VAT1L: variants seen among roughly 807,000 people sequenced by gnomAD.
VAT1L encodes the protein putative NADPH-dependent quinone oxidoreductase VAT1L.
In VAT1L, 34 loss-of-function variants were observed where a neutral mutation model predicts 44.1. The ratio of observed to expected loss-of-function variants is 0.77; its 90% confidence interval spans 0.59 to 1.03. The LOEUF (loss-of-function observed/expected upper bound fraction) is 1.03, where lower values mean the gene tolerates loss of function less well. Among genes scored for constraint, VAT1L ranks in the 50% least tolerant of loss-of-function variants. The pLI is 0.00. For synonymous variants in VAT1L, 253 were observed against 202.2 expected (o/e 1.25, Z -2.13); for missense variants, 615 against 538.8 (o/e 1.14, Z -1.40).
intron 7 of VAT1L, among the ~76,000 whole-genome samples, chr16:77,920,867 A>T (rs978703880): frequency 3.9e-5 from 6 of 152,132 alleles, no homozygotes; most frequent in Non-Finnish European, 1.5e-5. Context: ...TTCACACAAT[A>T]ACAAAACCCC....
At chr16:77,871,983 A>T (rs2017038165) in intron 4 of VAT1L, among the ~76,000 whole-genome samples, 1 of 152,108 alleles carries the variant, frequency 6.6e-6, no homozygotes, top group African/African-American at 2.4e-5. Context: ...AATCAATCAA[A>T]GCTACCATGG....
intron 7 of VAT1L, among the ~76,000 whole-genome samples, chr16:77,907,739 A>G (rs2017453252): frequency 6.6e-6 from 1 of 152,144 alleles, no homozygotes; most frequent in Non-Finnish European, 1.5e-5. Flanking sequence ...AAAACTTCAT[A>G]GTTCTCCTCC....
intron 2 of VAT1L, among the ~76,000 whole-genome samples, chr16:77,824,085 G>A (rs2016490959): frequency 6.6e-6 from 1 of 152,182 alleles, no homozygotes. Flanking sequence ...CTCCAGCCAG[G>A]CTGTAAGTTC....
intron 4 of VAT1L, among the ~76,000 whole-genome samples, chr16:77,871,802 G>A (rs2017036082): frequency 6.6e-6 from 1 of 152,266 alleles, no homozygotes; most frequent in Middle Eastern, 3.4e-3. Flanking sequence ...GCTCAAGAGT[G>A]TGGCACACTC....
chr16:77,924,466 GT>G (rs756521753), intron 7 of VAT1L, among the ~76,000 whole-genome samples: 4 of 150,472 alleles, frequency 2.7e-5, no homozygotes, highest in South Asian at 2.1e-4. Flanking sequence ...CCTCCCCACT[GT>G]TTTTTTTTCC....
chr16:77,806,341 C>G (rs1416473803), intron 1 of VAT1L, among the ~76,000 whole-genome samples: 1 of 152,134 alleles, frequency 6.6e-6, no homozygotes, highest in Non-Finnish European at 1.5e-5. Context: ...TCCCAAGCAG[C>G]TGAGACTACA....
At chr16:77,835,648 G>T (rs1030623496) in intron 3 of VAT1L, among the ~76,000 whole-genome samples, 1 of 152,154 alleles carries the variant, frequency 6.6e-6, no homozygotes, top group African/African-American at 2.4e-5. Flanking sequence ...CAAAGCAGGT[G>T]GATCACCTGA....
intron 8 of VAT1L, among the ~76,000 whole-genome samples, chr16:77,975,473 A>G (rs1006485912): frequency 2.0e-5 from 3 of 152,004 alleles, no homozygotes; most frequent in Admixed American, 6.5e-5. Flanking sequence ...TGGCCTCCCA[A>G]TGTGCTGGGA....
intron 7 of VAT1L, among the ~76,000 whole-genome samples, chr16:77,965,608 T>C (rs1477732199): frequency 1.3e-5 from 2 of 152,276 alleles, no homozygotes; most frequent in South Asian, 2.1e-4. Context: ...AGACCAGATA[T>C]GGCCAGCCAC....
intron 3 of VAT1L, among the ~76,000 whole-genome samples, chr16:77,838,378 C>T (rs890834597): frequency 4.1e-4 from 63 of 152,310 alleles, no homozygotes; most frequent in African/African-American, 1.4e-3. Context: ...TCTCTGTTCT[C>T]ACTGACACCC....
At chr16:77,832,356 G>A (rs564663988) in intron 3 of VAT1L, among the ~76,000 whole-genome samples, 1 of 152,150 alleles carries the variant, frequency 6.6e-6, no homozygotes, top group South Asian at 2.1e-4. Context: ...TCACCTCTAG[G>A]CATATTCTCC....
intron 4 of VAT1L, among the ~76,000 whole-genome samples, chr16:77,865,189 T>C (rs973989395): frequency 6.6e-6 from 1 of 151,866 alleles, no homozygotes; most frequent in Non-Finnish European, 1.5e-5. Flanking sequence ...TAGCCAGGAT[T>C]GTCTTGATCT....
intron 5 of VAT1L, 66 bp downstream of exon 5, chr16:77,876,539 G>A (rs1041215782): frequency 2.5e-5 from 36 of 1,428,046 alleles, no homozygotes; most frequent in Non-Finnish European, 3.5e-5. Context: ...GCCTGCAAAG[G>A]CTCTGAAAAG....
chr16:77,874,684 G>A (rs1354635784), intron 4 of VAT1L, among the ~76,000 whole-genome samples: 1 of 152,016 alleles, frequency 6.6e-6, no homozygotes, highest in Non-Finnish European at 1.5e-5. Context: ...CCCCTTAGTG[G>A]CATGAGACCA....
intron 1 of VAT1L, among the ~76,000 whole-genome samples, chr16:77,789,567 G>A (rs1381333328): frequency 2.0e-5 from 3 of 152,132 alleles, no homozygotes; most frequent in Non-Finnish European, 4.4e-5. Context: ...CTTCCCCGTA[G>A]CCTGACGGGG....
chr16:77,804,738 C>G (rs2016125307), intron 1 of VAT1L, among the ~76,000 whole-genome samples: 1 of 152,130 alleles, frequency 6.6e-6, no homozygotes, highest in African/African-American at 2.4e-5. Context: ...TCTTGTGCTC[C>G]TGCTACAATG....
chr16:77,940,997 G>A (rs2017875992), intron 7 of VAT1L, among the ~76,000 whole-genome samples: 1 of 152,106 alleles, frequency 6.6e-6, no homozygotes, highest in Non-Finnish European at 1.5e-5. Flanking sequence ...CTTCAGGCTG[G>A]CAACAGTATC....
At chr16:77,919,813 C>T (rs187225338) in intron 7 of VAT1L, among the ~76,000 whole-genome samples, 1 of 152,244 alleles carries the variant, frequency 6.6e-6, no homozygotes, top group East Asian at 1.9e-4. Context: ...CTTGGCCGGG[C>T]GTGGTAGCTC....
chr16:77,839,278 G>A (rs1289674850), intron 3 of VAT1L, among the ~76,000 whole-genome samples: 1 of 151,990 alleles, frequency 6.6e-6, no homozygotes, highest in Non-Finnish European at 1.5e-5. Flanking sequence ...GCTCACGCCT[G>A]TAATCCTAGC....
Sources: gnomAD v4.1 joint callset for allele counts (sites outside exome capture counted in the v4.1 genomes callset) on GRCh38, gnomAD v4.1.1 for gene constraint, MANE v1.5 for transcripts, NCBI Gene and HGNC (gene_info 2026-07-23, HGNC 2026-07-21) for gene names.